The following CADPS variants were observed in gnomAD, a reference collection of about 807,000 sequenced individuals.
CADPS encodes calcium dependent secretion activator.
Under a neutral mutation model 167.3 loss-of-function variants are expected in CADPS, and 57 were observed. The ratio of observed to expected loss-of-function variants is 0.34; its 90% confidence interval spans 0.28 to 0.42. CADPS has a LOEUF of 0.42. Ranked by LOEUF, CADPS falls within the 20% of genes least tolerant of loss-of-function variation. The pLI, the probability that CADPS is intolerant of heterozygous loss-of-function variation, is 1.00. For synonymous variants in CADPS, 676 were observed against 635.3 expected, an observed-to-expected ratio of 1.06 and a Z score of -0.96; for missense variants, 1,414 against 1,738.1, an observed-to-expected ratio of 0.81 and a Z score of 3.32.
intron 1 of CADPS, among the ~76,000 whole-genome samples, chr3:62,770,642 T>A (rs56390705): frequency 1.3e-5 from 2 of 152,178 alleles, no homozygotes; most frequent in African/African-American, 4.8e-5. Flanking sequence ...ATCAGGCTGG[T>A]CTTGAACTCC....
intron 28 of CADPS, among the ~76,000 whole-genome samples, chr3:62,423,927 TA>T (rs1428341093): frequency 5.3e-4 from 80 of 152,366 alleles, no homozygotes; most frequent in African/African-American, 1.8e-3. Flanking sequence ...AAATAAATGT[TA>T]TAATTGTTAT....
At chr3:62,576,072 G>A (rs1392103902) in intron 8 of CADPS, among the ~76,000 whole-genome samples, 1 of 152,170 alleles carries the variant, frequency 6.6e-6, no homozygotes, top group Admixed American at 6.6e-5. Context: ...TTCTGTTATT[G>A]CAGACATACA....
At chr3:62,488,320 C>G (rs2063146580) in intron 21 of CADPS, among the ~76,000 whole-genome samples, 2 of 152,158 alleles carry the variant, frequency 1.3e-5, no homozygotes, top group South Asian at 2.1e-4. Context: ...GAGAGAGTCA[C>G]TCCTCTTAGC....
At chr3:62,583,177 C>CTT (rs1400177897) in intron 8 of CADPS, among the ~76,000 whole-genome samples, 1 of 151,726 alleles carries the variant, frequency 6.6e-6, no homozygotes, top group African/African-American at 2.4e-5. Flanking sequence ...CTCTCTCTCT[C>CTT]TCTCTCTCTC....
chr3:62,843,167 A>G lies in CADPS; in HGVS notation c.441+31422T>C, dbSNP rs2076885809. On this transcript the variant is annotated intron_variant, in intron 1 of 29. Coordinates refer to ENST00000383710, the MANE Select transcript of CADPS (RefSeq NM_003716.4). ...GATTTTATGAAGAATGATCTTCCCT[A>G]TGACAGAAATGATGCAGTTTAAAGT... Among the ~76,000 whole-genome samples the G allele has an allele frequency of 2.0e-5, 3 of 152,310 alleles. No individual in the cohort carries two copies. In the South Asian group the frequency reaches 6.2e-4, roughly 32 times the overall value.
At position 62,637,365 on chromosome 3, in the gene CADPS, A is replaced by C. The variant is rs181906219; in HGVS notation, c.1325+8357T>G. Among the ~76,000 whole-genome samples, 629 of 152,280 alleles carry C rather than the reference A, an allele frequency of 4.1e-3. 4 individuals are homozygous for C. The highest frequency in any genetic ancestry group is 0.014 in the African/African-American group (582 of 41,544). On this transcript the variant is annotated intron_variant, in intron 6 of 29. Transcript: ENST00000383710. Reference sequence around the variant, plus strand: ...TTAGATTTCAATAAATGGTAGGGGCAGTTGTTATTGATAATGATTCCCTTG... The same window carrying C: ...TTAGATTTCAATAAATGGTAGGGGCCGTTGTTATTGATAATGATTCCCTTG...
chr3:62,822,207 C>G (rs906967857), intron 1 of CADPS, among the ~76,000 whole-genome samples: 1 of 152,178 alleles, frequency 6.6e-6, no homozygotes, highest in Admixed American at 6.5e-5. Flanking sequence ...TTAACAGGTT[C>G]TACTCACACA....
intron 22 of CADPS, among the ~76,000 whole-genome samples, chr3:62,479,003 A>G (rs1332296431): frequency 6.6e-6 from 1 of 152,164 alleles, no homozygotes; most frequent in African/African-American, 2.4e-5. Flanking sequence ...TGATTCCAAA[A>G]TTCTAGTTCA....
intron 21 of CADPS, among the ~76,000 whole-genome samples, chr3:62,482,899 T>C (rs947769304): frequency 8.5e-5 from 13 of 152,192 alleles, no homozygotes; most frequent in Non-Finnish European, 7.3e-5. Flanking sequence ...TGGACAAAGA[T>C]GGATCAACTG....
At chr3:62,793,435 C>T (rs1197124889) in intron 1 of CADPS, among the ~76,000 whole-genome samples, 1 of 152,136 alleles carries the variant, frequency 6.6e-6, no homozygotes, top group East Asian at 1.9e-4. Context: ...AGACGTTCAG[C>T]ATTTGAGCTA....
chr3:62,742,345 C>T (rs1273263882), intron 3 of CADPS, among the ~76,000 whole-genome samples: 1 of 152,100 alleles, frequency 6.6e-6, no homozygotes, highest in Non-Finnish European at 1.5e-5. Context: ...AAGAACAAAG[C>T]TGAAGGCATC....
chr3:62,439,224 T>G (rs537866510), intron 27 of CADPS: 2 of 152,332 alleles, frequency 1.3e-5, no homozygotes, highest in African/African-American at 4.8e-5. Flanking sequence ...CTACTAGACG[T>G]GACTGTCAGG....
chr3:62,657,299 G>A (rs1019565944), intron 4 of CADPS, among the ~76,000 whole-genome samples: 4 of 152,064 alleles, frequency 2.6e-5, no homozygotes, highest in South Asian at 2.1e-4. Context: ...TTAAAACGAC[G>A]GCTTGAAGAA....
At chr3:62,413,897 A>G (rs200299872) in intron 28 of CADPS, among the ~76,000 whole-genome samples, 3 of 151,092 alleles carry the variant, frequency 2.0e-5, no homozygotes, top group Non-Finnish European at 4.4e-5. Context: ...TTTAAAAAAA[A>G]AAAAAAAAAT....
At chr3:62,856,120 T>C (rs183169705) in intron 1 of CADPS, among the ~76,000 whole-genome samples, 1 of 152,280 alleles carries the variant, frequency 6.6e-6, no homozygotes, top group Admixed American at 6.5e-5. Context: ...GGTGAGCATA[T>C]ACCTCAGCTG....
chr3:62,768,779 G>C (rs1166570282), intron 1 of CADPS, among the ~76,000 whole-genome samples: 1 of 152,120 alleles, frequency 6.6e-6, no homozygotes, highest in African/African-American at 2.4e-5. Context: ...AGAAATTACA[G>C]AATATAAAAC....
chr3:62,547,993 A>T (rs1025156951), intron 11 of CADPS, among the ~76,000 whole-genome samples: 2 of 152,168 alleles, frequency 1.3e-5, no homozygotes, highest in Admixed American at 1.3e-4. Flanking sequence ...TGTAAGGTGA[A>T]ATGACTTTAG....
chr3:62,532,762 T>A, intron 13 of CADPS, 109 bp downstream of exon 13: 30 of 795,252 alleles, frequency 3.8e-5, no homozygotes, highest in Non-Finnish European at 5.3e-5. Flanking sequence ...CGTGTGCACA[T>A]ACCACCGAAG....
At chr3:62,772,101 G>A (rs1425912122) in intron 1 of CADPS, among the ~76,000 whole-genome samples, 3 of 152,060 alleles carry the variant, frequency 2.0e-5, no homozygotes, top group Admixed American at 6.6e-5. Context: ...TATAATACAT[G>A]TAATAATATA....
Sources: gnomAD v4.1 joint callset for allele counts (sites outside exome capture counted in the v4.1 genomes callset) on GRCh38, gnomAD v4.1.1 for gene constraint, MANE v1.5 for transcripts, NCBI Gene and HGNC (gene_info 2026-07-23, HGNC 2026-07-21) for gene names.